The following ASCC3 variants were observed in gnomAD, a reference collection of about 807,000 sequenced individuals.
The protein encoded by ASCC3 is activating signal cointegrator 1 complex subunit 3, also known as ASC-1 complex subunit P200.
In ASCC3, 158 loss-of-function variants were observed where a neutral mutation model predicts 256.3. The ratio of observed to expected loss-of-function variants is 0.62; its 90% CI spans 0.54 to 0.70. The LOEUF (loss-of-function observed/expected upper bound fraction) is 0.70. Among genes scored for constraint, ASCC3 ranks in the 30% least tolerant of loss-of-function variants. The pLI is 0.00. For missense variants in ASCC3, 2,259 were observed against 2,626.0 expected, an observed-to-expected ratio of 0.86 and a Z score of 3.05; for synonymous variants, 948 against 883.4, an observed-to-expected ratio of 1.07 and a Z score of -1.30.
At position 100,638,585 on chromosome 6, in the gene ASCC3, G is replaced by T. The variant is rs1774960153; in HGVS notation, c.4122+16C>A. 2 of 1,568,420 alleles carry T rather than the reference G, an allele frequency of 1.3e-6. No homozygotes were observed. The highest frequency in any genetic ancestry group is 1.8e-6 in the Non-Finnish European group (2 of 1,139,936). On this transcript the variant is annotated intron_variant, in intron 25 of 41. Transcript: ENST00000369162. Reference sequence around the variant, plus strand: ...GTCTTTTCTAATTAAATGTAAGTATGATTCTTTCAACAGACCTTTGAAGTA... The same window carrying T: ...GTCTTTTCTAATTAAATGTAAGTATTATTCTTTCAACAGACCTTTGAAGTA...
intron 13 of ASCC3, among the ~76,000 whole-genome samples, chr6:100,694,177 A>G (rs1777968073): frequency 6.6e-6 from 1 of 152,092 alleles, no homozygotes; most frequent in Admixed American, 6.6e-5. Flanking sequence ...TCTATTTAAA[A>G]ATAAAACAGT....
chr6:100,867,562 AATT>A (rs1773537974), intron 2 of ASCC3, among the ~76,000 whole-genome samples: 1 of 152,112 alleles, frequency 6.6e-6, no homozygotes, highest in Non-Finnish European at 1.5e-5. Flanking sequence ...CCTACTGGTA[AATT>A]TTACCAGAGA....
chr6:100,775,800 G>C (rs1782157909), intron 8 of ASCC3, among the ~76,000 whole-genome samples: 1 of 151,726 alleles, frequency 6.6e-6, no homozygotes, highest in Non-Finnish European at 1.5e-5. Context: ...CAATAAACTT[G>C]TTGGTAAAAA....
chr6:100,680,448 A>G (rs1039869872), intron 13 of ASCC3, among the ~76,000 whole-genome samples: 3 of 152,168 alleles, frequency 2.0e-5, no homozygotes, highest in African/African-American at 4.8e-5. Context: ...CCCTGTCAGT[A>G]CCTGCCTTCT....
chr6:100,650,535 T>C lies in ASCC3; in HGVS notation c.3252+3A>G. ...GAAAACTGGAAGGGAATAAGATACT[T>C]ACCTGTGCAACATATGCAGAATCTG... On this transcript the variant is annotated splice_donor_region_variant and intron_variant, in intron 20 of 41. Coordinates refer to ENST00000369162, the MANE Select transcript of ASCC3 (RefSeq NM_006828.4). The C allele has an allele frequency of 2.5e-6, 4 of 1,612,290 alleles. No individual in the cohort carries two copies. The highest frequency in any genetic ancestry group is 1.3e-5 in the African/African-American group (1 of 74,974).
chr6:100,702,538 A>G (rs1269629353), intron 13 of ASCC3, among the ~76,000 whole-genome samples: 2 of 152,126 alleles, frequency 1.3e-5, no homozygotes, highest in Non-Finnish European at 2.9e-5. Flanking sequence ...TATGTAAGGT[A>G]GTTCTATAAA....
intron 10 of ASCC3, among the ~76,000 whole-genome samples, chr6:100,742,533 G>A (rs1019340092): frequency 3.9e-5 from 6 of 152,240 alleles, no homozygotes; most frequent in African/African-American, 1.4e-4. Context: ...ATCCCAGGGA[G>A]AGATCAGAGC....
At chr6:100,518,275 T>C (rs1167501146) in intron 37 of ASCC3, 133 bp from the exon 38 acceptor site, 10 of 968,262 alleles carry the variant, frequency 1.0e-5, no homozygotes, top group East Asian at 2.6e-5. Context: ...TTCATCAACA[T>C]AGAAACCAGA....
intron 10 of ASCC3, among the ~76,000 whole-genome samples, chr6:100,731,068 G>C (rs1330002813): frequency 1.5e-4 from 23 of 150,948 alleles, no homozygotes; most frequent in Non-Finnish European, 1.5e-5. Flanking sequence ...TTCATATTAG[G>C]AAAAATAAAT....
At chr6:100,518,974 A>G (rs933595826) in intron 37 of ASCC3, among the ~76,000 whole-genome samples, 1 of 152,152 alleles carries the variant, frequency 6.6e-6, no homozygotes, top group Admixed American at 6.6e-5. Flanking sequence ...TATGCCTAGC[A>G]AATAATTAAA....
chr6:100,775,713 C>A (rs1038103088), intron 8 of ASCC3, among the ~76,000 whole-genome samples: 1 of 151,982 alleles, frequency 6.6e-6, no homozygotes, highest in Non-Finnish European at 1.5e-5. Flanking sequence ...AAACAGCCCA[C>A]GTTTTATACC....
At chr6:100,618,386 C>A (rs572380168) in intron 30 of ASCC3, among the ~76,000 whole-genome samples, 123 of 152,174 alleles carry the variant, frequency 8.1e-4, no homozygotes, top group Non-Finnish European at 1.5e-3. Context: ...AGAACAGTGC[C>A]AGAATAAAAG....
intron 24 of ASCC3, among the ~76,000 whole-genome samples, chr6:100,639,695 A>G (rs77152215): frequency 0.015 from 2,263 of 152,298 alleles, 42 homozygotes; most frequent in African/African-American, 0.052. Flanking sequence ...ATGTCTTTAA[A>G]AGTCAAAAAA....
At chr6:100,781,541 G>T (rs12525271) in intron 8 of ASCC3, among the ~76,000 whole-genome samples, 1 of 135,184 alleles carries the variant, frequency 7.4e-6, no homozygotes. Flanking sequence ...GTGCCACCAC[G>T]CCTGGCTAAT....
intron 14 of ASCC3, among the ~76,000 whole-genome samples, chr6:100,665,887 A>C (rs1398968946): frequency 6.6e-6 from 1 of 152,042 alleles, no homozygotes; most frequent in East Asian, 1.9e-4. Context: ...TTTAAGACAT[A>C]TTTGTGTTAG....
intron 10 of ASCC3, among the ~76,000 whole-genome samples, chr6:100,747,941 A>T (rs1472083912): frequency 6.6e-6 from 1 of 152,114 alleles, no homozygotes; most frequent in African/African-American, 2.4e-5. Context: ...AATATAATTG[A>T]TTACTATTTT....
intron 10 of ASCC3, among the ~76,000 whole-genome samples, chr6:100,752,276 T>C (rs980637400): frequency 4.6e-5 from 7 of 152,136 alleles, no homozygotes; most frequent in Non-Finnish European, 8.8e-5. Flanking sequence ...AACATCTCCA[T>C]GTAAAAGAGA....
At position 100,739,947 on chromosome 6, in the gene ASCC3, T is replaced by A. The variant is rs1161832880; in HGVS notation, c.1738-14244A>T. On this transcript the variant is annotated intron_variant, in intron 10 of 41. Transcript: ENST00000369162. ...CTCTATATCCTTCAGTCAGCTCTGA[T>A]CTTGGTTATCTCTCGTTTCCTGCTA... is the stretch of plus-strand genomic sequence containing the variant. 2.0e-5 allele frequency among the ~76,000 whole-genome samples: 3 copies of A among 152,202 alleles called. No homozygotes were observed. The East Asian group carries it at 5.8e-4, about 29-fold the overall frequency.
At chr6:100,804,022 T>C (rs1441152468) in intron 5 of ASCC3, among the ~76,000 whole-genome samples, 2 of 152,190 alleles carry the variant, frequency 1.3e-5, no homozygotes, top group African/African-American at 2.4e-5. Context: ...GCATCAGCTA[T>C]GTTTTAAGTC....
Sources: gnomAD v4.1 joint callset for allele counts (sites outside exome capture counted in the v4.1 genomes callset) on GRCh38, gnomAD v4.1.1 for gene constraint, MANE v1.5 for transcripts, NCBI Gene and HGNC (gene_info 2026-07-23, HGNC 2026-07-21) for gene names.